AUH: variants seen among roughly 807,000 people sequenced by gnomAD.
AUH encodes the protein AU RNA binding methylglutaconyl-CoA hydratase, also known as methylglutaconyl-CoA hydratase, mitochondrial.
Under a neutral mutation model 42.3 loss-of-function variants are expected in AUH, and 29 were observed. That is an observed-to-expected ratio of 0.69 (90% CI 0.51 to 0.93). AUH has a LOEUF of 0.93. AUH is among the 40% of genes least tolerant of loss of function. AUH has a pLI of 0.00. For missense variants in AUH, 452 were observed against 438.1 expected, an observed-to-expected ratio of 1.03 and a Z score of -0.28; for synonymous variants, 174 against 166.4, an observed-to-expected ratio of 1.05 and a Z score of -0.35.
At position 91,355,914 on chromosome 9, in the gene AUH, G is replaced by C; in HGVS notation, c.387C>G (p.Ile129Met). ...AGAATATCCCTGGGACTTCACTCCT[G>C]ATTATTATGGTCCGTACTTTCTTAT... ...KSDKKVRTII[I>M]RSEVPGIFCA... is the part of the protein sequence containing the mutation. The change falls in exon 3 of 10, where the codon ATC becomes ATG. Residue 129 changes from isoleucine (I) to methionine (M), a missense_variant. By Grantham distance (10) the Ile-to-Met change is conservative. Transcript: ENST00000375731. The C allele has an allele frequency of 6.2e-7, 1 of 1,612,724 alleles. No homozygotes were observed. The highest frequency in any genetic ancestry group is 8.5e-7 in the Non-Finnish European group (1 of 1,179,316).
chr9:91,273,128 G>A (rs1269117692), intron 6 of AUH, among the ~76,000 whole-genome samples: 1 of 152,190 alleles, frequency 6.6e-6, no homozygotes, highest in African/African-American at 2.4e-5. Flanking sequence ...AAACCAGTAA[G>A]ACACCATGAA....
At chr9:91,274,081 A>G (rs2131526459) in intron 6 of AUH, among the ~76,000 whole-genome samples, 1 of 152,316 alleles carries the variant, frequency 6.6e-6, no homozygotes, top group African/African-American at 2.4e-5. Context: ...CCTATTGAAA[A>G]GCAAACTACA....
chr9:91,234,021 A>G (rs2131304862), intron 6 of AUH, among the ~76,000 whole-genome samples: 1 of 152,320 alleles, frequency 6.6e-6, no homozygotes, highest in Admixed American at 6.5e-5. Flanking sequence ...TTTGTGGTGG[A>G]GCTCCAACAA....
intron 3 of AUH, among the ~76,000 whole-genome samples, chr9:91,346,396 G>T (rs1831513845): frequency 6.6e-6 from 1 of 152,102 alleles, no homozygotes; most frequent in Admixed American, 6.5e-5. Flanking sequence ...GGATGTGCTG[G>T]GTAAGTGGCA....
intron 6 of AUH, among the ~76,000 whole-genome samples, chr9:91,262,300 GCTTT>G (rs1829745767): frequency 6.6e-6 from 1 of 152,124 alleles, no homozygotes; most frequent in Non-Finnish European, 1.5e-5. Context: ...AATTAAATCT[GCTTT>G]CTAATAGAAA....
chr9:91,246,361 C>T (rs1301640776), intron 6 of AUH, among the ~76,000 whole-genome samples: 1 of 152,208 alleles, frequency 6.6e-6, no homozygotes, highest in Non-Finnish European at 1.5e-5. Context: ...CAAAGCAAAC[C>T]AAACCAAACA....
In AUH at chr9:91,352,632, T is replaced by C. The variant is rs80158464; in HGVS notation, c.418+3251A>G. Among the ~76,000 whole-genome samples, 4 of 152,296 alleles carry C rather than the reference T, an allele frequency of 2.6e-5. No individual in the cohort carries two copies. In the East Asian group the frequency reaches 7.7e-4, roughly 29 times the overall value. ...ACTTGGCCCAACCTCCAATGCAATG[T>C]AGGAATCTCTTTAATGTTTATCTGT... On this transcript the variant is annotated intron_variant, in intron 3 of 9. Transcript: ENST00000375731.
chr9:91,353,745 G>A (rs1832179479), intron 3 of AUH, among the ~76,000 whole-genome samples: 1 of 148,058 alleles, frequency 6.8e-6, no homozygotes, highest in Admixed American at 6.8e-5. Context: ...GGCTGAGGCA[G>A]GAGAATGGGG....
chr9:91,258,699 A>G (rs866893700), intron 6 of AUH, among the ~76,000 whole-genome samples: 10 of 152,180 alleles, frequency 6.6e-5, no homozygotes, highest in African/African-American at 2.4e-4. Context: ...ATGTTTTGTA[A>G]AGGCCTTCTG....
intron 3 of AUH, among the ~76,000 whole-genome samples, chr9:91,346,008 T>C (rs1831480194): frequency 6.6e-6 from 1 of 152,018 alleles, no homozygotes; most frequent in African/African-American, 2.4e-5. Context: ...GCCACCTGTG[T>C]ATAAAAAAAA....
At chr9:91,215,953 A>G (rs1826794982) in intron 9 of AUH, 106 bp downstream of exon 9, 1 of 1,205,358 alleles carries the variant, frequency 8.3e-7, no homozygotes. Flanking sequence ...TGATTTTGGA[A>G]TGGGCGCAAG....
At chr9:91,319,580 T>C (rs10991884) in intron 4 of AUH, among the ~76,000 whole-genome samples, 10,948 of 152,260 alleles carry the variant, frequency 0.072, 688 homozygotes, top group East Asian at 0.26. Flanking sequence ...CCTGATAAGA[T>C]CTCAGGAGCT....
intron 4 of AUH, among the ~76,000 whole-genome samples, chr9:91,320,348 G>C (rs1587851599): frequency 6.6e-6 from 1 of 152,328 alleles, no homozygotes; most frequent in East Asian, 1.9e-4. Flanking sequence ...TTAATAGGTA[G>C]AAAAGACAGA....
intron 1 of AUH, among the ~76,000 whole-genome samples, chr9:91,359,165 A>C (rs1396490413): frequency 6.6e-6 from 1 of 152,220 alleles, no homozygotes; most frequent in Non-Finnish European, 1.5e-5. Context: ...CACACAACTG[A>C]AAGATGAATG....
Position 91,268,852 on chromosome 9 carries a change from T to A in AUH, c.655+27169A>T, listed in dbSNP as rs916306754. 3.3e-5 allele frequency among the ~76,000 whole-genome samples: 5 copies of A among 152,232 alleles called. No individual in the cohort carries two copies. In the East Asian group the frequency reaches 9.6e-4, roughly 29 times the overall value. ...TATTCAATTGTGATGCTTCTAAATA[T>A]ATTCAAGGATATGCATAATACAATA... On this transcript the variant is annotated intron_variant, in intron 6 of 9. Coordinates refer to ENST00000375731, the MANE Select transcript of AUH (RefSeq NM_001698.3).
rs540567814 is a variant in AUH at position 91,345,571 on chromosome 9, C to T, written c.418+10312G>A. ...AGAGAAGGCCAGGCGTGGTGGCTCA[C>T]GCCTGTAATCCCAGCACTTTGGGAG... On this transcript the variant is annotated intron_variant, in intron 3 of 9. Transcript: ENST00000375731. Among the ~76,000 whole-genome samples the T allele has an allele frequency of 3.3e-5, 5 of 152,202 alleles. No homozygotes were observed. The South Asian group carries it at 6.2e-4, about 19-fold the overall frequency.
At chr9:91,356,918 A>G (rs1005716197) in intron 1 of AUH, among the ~76,000 whole-genome samples, 3 of 152,222 alleles carry the variant, frequency 2.0e-5, no homozygotes, top group African/African-American at 7.2e-5. Context: ...ACAAATTTTC[A>G]CAGTGTATCA....
chr9:91,357,181 C>G (rs1434308928), intron 1 of AUH, among the ~76,000 whole-genome samples: 1 of 152,120 alleles, frequency 6.6e-6, no homozygotes, highest in East Asian at 1.9e-4. Flanking sequence ...TGGGTAGGTC[C>G]CAATACTACT....
intron 7 of AUH, chr9:91,218,955 GA>G: frequency 2.0e-6 from 2 of 985,244 alleles, no homozygotes; most frequent in South Asian, 9.4e-5. Flanking sequence ...TTATTTGTTT[GA>G]CCTGGAGGAA....
Sources: allele counts gnomAD v4.1 joint callset (sites outside exome capture counted in the v4.1 genomes callset), GRCh38; gene constraint gnomAD v4.1.1; transcripts MANE v1.5; gene names NCBI Gene and HGNC (gene_info 2026-07-23, HGNC 2026-07-21).